Variants in CFAP99 observed in about 807,000 individuals in gnomAD.
The protein encoded by CFAP99 is cilia- and flagella-associated protein 99.
Under a neutral mutation model 82.7 loss-of-function variants are expected in CFAP99, and 84 were observed. The observed-to-expected ratio is 1.02, with a 90% CI of 0.85 to 1.22. The LOEUF (loss-of-function observed/expected upper bound fraction) is 1.22, where lower values mean the gene tolerates loss of function less well. CFAP99 is among the 50% of genes most tolerant of loss of function. The probability of loss-of-function intolerance (pLI) is 0.00; values close to 1 mark genes in which losing one functional copy is unlikely to be tolerated. For synonymous variants in CFAP99, 456 were observed against 429.5 expected (o/e 1.06, Z -0.76); for missense variants, 1,059 against 983.5 (o/e 1.08, Z -1.03).
intron 4 of CFAP99, among the ~76,000 whole-genome samples, chr4:2,439,628 C>T (rs1402129141): frequency 6.6e-6 from 1 of 152,200 alleles, no homozygotes; most frequent in Non-Finnish European, 1.5e-5. Context: ...TTCACAGAAA[C>T]GTAAGTGATT....
chr4:2,440,104 A>G lies in CFAP99; in HGVS notation c.351+1940A>G, dbSNP rs373485088. ...TGATCCGCCTGCCTCGGCCTCCCAA[A>G]GTGTTGGGATTACAGGCGTGAGCCA... On this transcript the variant is annotated intron_variant, in intron 4 of 14. Transcript: ENST00000635017. 1.7e-4 allele frequency among the ~76,000 whole-genome samples: 25 copies of G among 148,930 alleles called. No homozygotes were observed. In the East Asian group the frequency reaches 3.2e-3, roughly 19 times the overall value.
intron 3 of CFAP99, 127 bp from the exon 4 acceptor site, chr4:2,437,943 A>C: frequency 1.7e-6 from 1 of 590,522 alleles, no homozygotes; most frequent in East Asian, 2.9e-5. Flanking sequence ...TCAGGTGGGC[A>C]CCAATAGGGT....
chr4:2,452,154 C>A (rs146333010), exon 11 of CFAP99: 2 of 1,536,004 alleles, frequency 1.3e-6, no homozygotes, highest in Non-Finnish European at 1.7e-6. Flanking sequence ...TTGATAAGCT[C>A]GTGGATGGGG....
intron 11 of CFAP99, among the ~76,000 whole-genome samples, chr4:2,455,590 G>A (rs1381411991): frequency 6.6e-6 from 1 of 152,226 alleles, no homozygotes; most frequent in African/African-American, 2.4e-5. Context: ...TCAGGAGGCT[G>A]AGGCATGAGA....
chr4:2,447,258 CTGGATGGA>C (rs747399519), intron 6 of CFAP99, among the ~76,000 whole-genome samples: 3 of 139,732 alleles, frequency 2.1e-5, no homozygotes, highest in East Asian at 4.5e-4. Flanking sequence ...AGATGGATGA[CTGGATGGA>C]TGGATGGATG....
At chr4:2,442,703 G>C (rs1253174976) in intron 4 of CFAP99, among the ~76,000 whole-genome samples, 1 of 152,164 alleles carries the variant, frequency 6.6e-6, no homozygotes, top group Non-Finnish European at 1.5e-5. Context: ...TCCAAGCTGA[G>C]GATGTGCCGC....
At chr4:2,441,558 C>G (rs114650506) in intron 4 of CFAP99, among the ~76,000 whole-genome samples, 2 of 152,244 alleles carry the variant, frequency 1.3e-5, no homozygotes, top group Non-Finnish European at 1.5e-5. Context: ...CACACAGCAC[C>G]GTTGGGGACA....
At position 2,448,976 on chromosome 4, in the gene CFAP99, G is replaced by A. The variant is rs1160744125; in HGVS notation, c.643-694G>A. On this transcript the variant is annotated intron_variant, in intron 6 of 14. Transcript: ENST00000635017. The surrounding 1 kb of genome is among the most constrained non-coding windows in gnomAD (Gnocchi z 5.2). ...GAGGCATGGGTGAGGAATGGACAGC[G>A]GTCGTGGTCAGTGAGGCTGAGGGAG... Among the ~76,000 whole-genome samples the A allele has an allele frequency of 4.6e-5, 7 of 152,176 alleles. No individual in the cohort carries two copies. Among genetic ancestry groups the A allele is most frequent in the South Asian group, 4.1e-4 (2 of 4,836 alleles).
At position 2,446,804 on chromosome 4, in the gene CFAP99, GATGGGTGGATGA is replaced by G. The variant is rs1197146236; in HGVS notation, c.642+1501_642+1512del. Among the ~76,000 whole-genome samples, 7 of 144,780 alleles carry G rather than the reference GATGGGTGGATGA, an allele frequency of 4.8e-5. No homozygotes were observed. The highest frequency in any genetic ancestry group is 4.6e-4 in the Admixed American group (6 of 13,074). The allele number at this position is 144,780 out of a possible 152,430, so 95.0% of individuals were successfully genotyped here. ...TGGATTATCAGATGGATGGTAGATG[GATGGGTGGATGA>G]ATGGATGGATGGATGGATGGATGAT... On this transcript the variant is annotated intron_variant, in intron 6 of 14. Coordinates refer to ENST00000635017, the Ensembl canonical transcript of CFAP99. This position sits in a 1 kb window ranked among gnomAD's most constrained non-coding sequence, Gnocchi z 5.0.
chr4:2,455,136 G>A (rs1734398445), intron 11 of CFAP99, among the ~76,000 whole-genome samples: 1 of 152,254 alleles, frequency 6.6e-6, no homozygotes. Flanking sequence ...CGGGGCTCAA[G>A]TGATTCACCT....
chr4:2,457,564 TG>T (rs1734466428), intron 11 of CFAP99, among the ~76,000 whole-genome samples: 1 of 152,190 alleles, frequency 6.6e-6, no homozygotes, highest in African/African-American at 2.4e-5. Context: ...CCAAGGTTGA[TG>T]TCTGAGTGGA....
chr4:2,430,786 A>G (rs542681332), intron 2 of CFAP99, among the ~76,000 whole-genome samples: 4 of 152,168 alleles, frequency 2.6e-5, no homozygotes, highest in African/African-American at 7.2e-5. Context: ...AAAAGAAAAA[A>G]AATGAGCCAG....
Position 2,462,550 on chromosome 4 carries a change from G to T in CFAP99, c.1769G>T (p.Arg590Met). 2.0e-6 allele frequency: 3 copies of T among 1,465,068 alleles called. No homozygotes were observed. Among genetic ancestry groups the T allele is most frequent in the Non-Finnish European group, 2.7e-6 (3 of 1,115,286 alleles). 90.8% of individuals were successfully genotyped at this position (1,465,068 alleles called of 1,614,324 possible). ...TCGGAGAGGGCGGCCGAGCGCAGCA[G>T]GCAGGCGGCCTTGCTGCACGTGTCG... The change falls in exon 15 of 15, where the codon AGG becomes ATG. Residue 590 changes from arginine to methionine, a missense_variant. Physicochemically the swap from Arg to Met is moderately conservative, Grantham distance 91. Transcript: ENST00000635017. This position sits in a 1 kb window ranked among gnomAD's most constrained non-coding sequence, Gnocchi z 4.1.
At chr4:2,460,048 C>T (rs982096979) in exon 14 of CFAP99, 98 of 1,535,788 alleles carry the variant, frequency 6.4e-5, no homozygotes, top group Non-Finnish European at 7.8e-5. Context: ...TCCCCGGCTA[C>T]GGCCTGGAAG....
intron 6 of CFAP99, among the ~76,000 whole-genome samples, chr4:2,449,465 G>A (rs1734249506): frequency 7.1e-6 from 1 of 140,264 alleles, no homozygotes; most frequent in African/African-American, 2.6e-5. Context: ...CCACGCCAAT[G>A]ACCAGCCTGA....
At chr4:2,421,450 G>A (rs1201702725) in intron 1 of CFAP99, among the ~76,000 whole-genome samples, 1 of 143,718 alleles carries the variant, frequency 7.0e-6, no homozygotes, top group East Asian at 2.3e-4. Context: ...TGCCTCCCGG[G>A]TTCAAGCAAT....
chr4:2,443,446 T>A (rs1457490400), intron 5 of CFAP99, among the ~76,000 whole-genome samples: 2 of 152,192 alleles, frequency 1.3e-5, no homozygotes, highest in East Asian at 3.9e-4. Flanking sequence ...GGAAAAGACG[T>A]GGTCCAACTG....
At chr4:2,440,381 C>T (rs1221222234) in intron 4 of CFAP99, among the ~76,000 whole-genome samples, 3 of 133,216 alleles carry the variant, frequency 2.3e-5, no homozygotes, top group Non-Finnish European at 3.2e-5. Context: ...CTCCTGACCT[C>T]GTGATCCGCC....
intron 11 of CFAP99, among the ~76,000 whole-genome samples, chr4:2,453,513 G>A (rs1174785690): frequency 6.6e-6 from 1 of 152,144 alleles, no homozygotes; most frequent in Non-Finnish European, 1.5e-5. Flanking sequence ...GGTCTGATCC[G>A]CATGCCCCGC....
Sources: gnomAD v4.1 joint callset for allele counts (sites outside exome capture counted in the v4.1 genomes callset) on GRCh38, gnomAD v4.1.1 for gene constraint, Gnocchi (gnomAD v3.1) non-coding constraint, MANE v1.5 for transcripts, NCBI Gene and HGNC (gene_info 2026-07-23, HGNC 2026-07-21) for gene names.